The following TAF6 variants were observed in gnomAD, a reference collection of about 807,000 sequenced individuals.
The protein encoded by TAF6 is TATA-box binding protein associated factor 6.
In TAF6, 50 loss-of-function variants were observed where a neutral mutation model predicts 73.5. That is an observed-to-expected ratio of 0.68 (90% CI 0.54 to 0.86). The LOEUF (loss-of-function observed/expected upper bound fraction) is 0.86, where lower values mean the gene tolerates loss of function less well. Ranked by LOEUF, TAF6 falls within the 40% of genes least tolerant of loss-of-function variation. The probability of loss-of-function intolerance (pLI) is 0.00; values close to 1 mark genes in which losing one functional copy is unlikely to be tolerated. For synonymous variants in TAF6, 424 were observed against 376.7 expected (o/e 1.13, Z -1.45); for missense variants, 768 against 899.5 (o/e 0.85, Z 1.87).
At chr7:100,123,619 C>T (rs1798130412), upstream of TAF6, among the ~76,000 whole-genome samples, 1 of 152,052 alleles carries the variant, frequency 6.6e-6, no homozygotes, top group Admixed American at 6.6e-5. Context: ...CTCCCGGGTT[C>T]AAGCCATTCT....
At chr7:100,111,019 C>T in intron 10 of TAF6, 120 bp downstream of exon 10, 1 of 1,191,018 alleles carries the variant, frequency 8.4e-7, no homozygotes, top group Non-Finnish European at 1.2e-6. Context: ...AGCCTCAAGA[C>T]CCTTAGACCC....
Position 100,108,127 on chromosome 7 carries a change from C to A in TAF6, c.1459-4G>T. The A allele has an allele frequency of 6.3e-7, 1 of 1,590,740 alleles. No individual in the cohort carries two copies. ...AGAGGGTCAGCGTGGGCCGGGGCTG[C>A]GGGGAGAAGAGGAAAGGGGGAAGTG... is the stretch of plus-strand genomic sequence containing the variant. On this transcript the variant is annotated splice_polypyrimidine_tract_variant and splice_region_variant and intron_variant, in intron 13 of 14. Coordinates refer to ENST00000453269, the MANE Select transcript of TAF6 (RefSeq NM_139315.3).
chr7:100,111,728 G>T lies in TAF6; in HGVS notation c.900C>A (p.Tyr300Ter). 1 of 1,614,052 alleles carries T rather than the reference G, an allele frequency of 6.2e-7. No individual in the cohort carries two copies. Among genetic ancestry groups the T allele is most frequent in the African/African-American group, 1.3e-5 (1 of 75,046 alleles). The change falls in exon 9 of 15, where the codon TAC becomes TAA. Residue 300 changes from tyrosine (Y) to a stop codon, truncating the protein, a stop_gained and splice_region_variant. Coordinates refer to ENST00000453269, the MANE Select transcript of TAF6 (RefSeq NM_139315.3). LOFTEE classifies it high-confidence loss of function. ...MDNPTLYLEK[Y>*]VHELIPAVMT... ...AGGGAGGATGGGCAGGATCACTCAC[G>T]TATTTTTCTAGATAGAGCGTGGGGT...
the TAF6 span, chr7:100,125,065 T>C: frequency 1.5e-6 from 1 of 676,340 alleles, no homozygotes; most frequent in South Asian, 2.2e-5. Flanking sequence ...ACATGGCTTC[T>C]GGGGTGGAGG....
At chr7:100,112,747 C>T in intron 6 of TAF6, 51 bp downstream of exon 6, 5 of 1,542,270 alleles carry the variant, frequency 3.2e-6, no homozygotes, top group Middle Eastern at 1.8e-4. Flanking sequence ...AAACAAACGG[C>T]CATGTGGCTT....
At chr7:100,125,133 G>T in the TAF6 span, 1 of 485,600 alleles carries the variant, frequency 2.1e-6, no homozygotes, top group Non-Finnish European at 3.6e-6. Context: ...TAATTGGCAG[G>T]TGTATGTGCT....
intron 1 of TAF6, 32 bp downstream of exon 1, chr7:100,119,172 G>C: frequency 3.0e-6 from 3 of 987,426 alleles, no homozygotes; most frequent in Non-Finnish European, 3.6e-6. Context: ...GCACACACAC[G>C]GGGTCCCCAC....
intron 1 of TAF6, among the ~76,000 whole-genome samples, chr7:100,117,582 T>C (rs1373866181): frequency 6.6e-6 from 1 of 150,848 alleles, no homozygotes; most frequent in African/African-American, 2.4e-5. Flanking sequence ...GACAGAGCTC[T>C]TTATTATGTT....
At chr7:100,110,130 G>C in intron 11 of TAF6, 57 bp from the exon 12 acceptor site, 2 of 1,613,968 alleles carry the variant, frequency 1.2e-6, no homozygotes, top group Non-Finnish European at 1.7e-6. Flanking sequence ...TCTCCCAGAT[G>C]GGGGTACAGT....
At position 100,107,982 on chromosome 7, in the gene TAF6, G is replaced by A. The variant is rs148566323; in HGVS notation, c.1600C>T (p.Pro534Ser). 208 of 1,613,944 alleles carry A rather than the reference G, an allele frequency of 1.3e-4. No homozygotes were observed. The highest frequency in any genetic ancestry group is 1.7e-4 in the Non-Finnish European group (200 of 1,179,990). ...GACATTACAATAAACTTGGTTGGAG[G>A]AGGGGAAGGCTGTGGTGGGGCAGCC... is the stretch of plus-strand genomic sequence containing the variant. ...RAAAPPQPSP[P>S]PTKFIVMSSS... Residue 534 changes from proline to serine, a missense_variant, in exon 14 of 15, where the codon CCT (proline) becomes TCT (serine). Transcript: ENST00000453269.
intron 1 of TAF6, among the ~76,000 whole-genome samples, chr7:100,115,993 A>G (rs1797640116): frequency 1.3e-5 from 2 of 152,110 alleles, no homozygotes; most frequent in South Asian, 2.1e-4. Context: ...TCCACCAGGT[A>G]GTCCAACCTG....
chr7:100,108,210 C>A, intron 13 of TAF6, 87 bp from the exon 14 acceptor site: 2 of 1,474,902 alleles, frequency 1.4e-6, no homozygotes, highest in Non-Finnish European at 1.8e-6. Flanking sequence ...CCTCGCTCTT[C>A]CTCAGTGGCT....
chr7:100,119,127 C>G, intron 1 of TAF6, 77 bp downstream of exon 1: 1 of 986,526 alleles, frequency 1.0e-6, no homozygotes, highest in Non-Finnish European at 1.2e-6. Context: ...GTTCAGAGAG[C>G]CCACCCCATC....
chr7:100,107,941 G>A lies in TAF6; in HGVS notation c.1641C>T (p.Ala547=). 1.2e-6 allele frequency: 2 copies of A among 1,611,712 alleles called. No homozygotes were observed. The highest frequency in any genetic ancestry group is 8.5e-7 in the Non-Finnish European group (1 of 1,178,500). Residue 547 remains alanine, a synonymous_variant, in exon 14 of 15, where the codon GCC becomes GCT. Transcript: ENST00000453269. ...KFIVMSSSSS[A]PSTQQVLSLS... ...CTCTGCATACCTGCTGGGTGGATGG[G>A]GCGCTGGAGGACGATGACATTACAA...
chr7:100,109,451 G>A (rs1796952438), intron 12 of TAF6, among the ~76,000 whole-genome samples: 1 of 152,136 alleles, frequency 6.6e-6, no homozygotes, highest in Non-Finnish European at 1.5e-5. Flanking sequence ...CAGAGTAACA[G>A]GAGCATTGGG....
chr7:100,113,550 C>G, intron 4 of TAF6, 66 bp downstream of exon 4: 1 of 1,578,528 alleles, frequency 6.3e-7, no homozygotes, highest in Admixed American at 1.8e-5. Context: ...TGTGAGGCTC[C>G]TCACACCTAC....
At chr7:100,124,669 T>A, upstream of TAF6, 1 of 1,611,658 alleles carries the variant, frequency 6.2e-7, no homozygotes, top group Non-Finnish European at 8.5e-7. Context: ...TGCCAAGCCA[T>A]AGCCTCCCCT....
At chr7:100,125,401 T>C in the TAF6 span, 3 of 155,464 alleles carry the variant, frequency 1.9e-5, no homozygotes, top group East Asian at 1.9e-4. Context: ...TTAGGTGGGA[T>C]AGATACTTGG....
At chr7:100,122,634 C>A, upstream of TAF6, 1 of 1,529,084 alleles carries the variant, frequency 6.5e-7, no homozygotes, top group South Asian at 1.2e-5. Flanking sequence ...TCTGTATCCC[C>A]TGAGGCCCTC....
Sources: allele counts gnomAD v4.1 joint callset (sites outside exome capture counted in the v4.1 genomes callset), GRCh38; gene constraint gnomAD v4.1.1; transcripts MANE v1.5; gene names NCBI Gene and HGNC (gene_info 2026-07-23, HGNC 2026-07-21).